The following ZNF808 variants were observed in gnomAD, a reference collection of about 807,000 sequenced individuals.
ZNF808 encodes the protein zinc finger protein 808.
A neutral mutation model predicts 8.7 loss-of-function variants in ZNF808; 5 were observed. The observed-to-expected ratio is 0.58, with a 90% CI of 0.30 to 1.21. ZNF808 has a LOEUF of 1.21. Among genes scored for constraint, ZNF808 ranks in the 50% most tolerant of loss-of-function variants. The probability of loss-of-function intolerance (pLI) is 0.07; values close to 1 mark genes in which losing one functional copy is unlikely to be tolerated. For missense variants in ZNF808, 1,103 were observed against 1,098.4 expected (o/e 1.00, Z -0.06); for synonymous variants, 380 against 366.0 (o/e 1.04, Z -0.44).
At chr19:52,540,458 T>G (rs970196587) in intron 2 of ZNF808, among the ~76,000 whole-genome samples, 2 of 152,242 alleles carry the variant, frequency 1.3e-5, no homozygotes, top group African/African-American at 4.8e-5. Flanking sequence ...CTAGTCTTTA[T>G]CATATATCGA....
chr19:52,548,015 A>G (rs1600009514), intron 4 of ZNF808, among the ~76,000 whole-genome samples: 2 of 152,284 alleles, frequency 1.3e-5, no homozygotes, highest in East Asian at 3.9e-4. Context: ...CTGGGATTAC[A>G]GGCGTGAGCC....
rs187762022 is a variant in ZNF808 at position 52,549,858 on chromosome 19, G to A, written c.190+2220G>A. On this transcript the variant is annotated intron_variant, in intron 4 of 4. Transcript: ENST00000359798. ...CTCTCACTGAGTAAGTCAAGACCTT[G>A]TTCATCCACTGGACAAAATTATAGG... Among the ~76,000 whole-genome samples the A allele has an allele frequency of 3.6e-4, 55 of 152,134 alleles. No individual in the cohort carries two copies. In the East Asian group the frequency reaches 8.7e-3, roughly 24 times the overall value.
chr19:52,537,928 A>G (rs1368775609), intron 2 of ZNF808, among the ~76,000 whole-genome samples: 6 of 152,078 alleles, frequency 3.9e-5, no homozygotes, highest in African/African-American at 1.2e-4. Flanking sequence ...GTGACATTCA[A>G]TTGTGGGTCA....
chr19:52,549,997 T>C (rs326447), intron 4 of ZNF808, among the ~76,000 whole-genome samples: 58,872 of 151,912 alleles, frequency 0.39, 13,605 homozygotes, highest in African/African-American at 0.63. Context: ...CAGCTCAGCC[T>C]TTGTATCCCC....
At chr19:52,545,074 C>T (rs2059708370) in intron 3 of ZNF808, among the ~76,000 whole-genome samples, 1 of 152,196 alleles carries the variant, frequency 6.6e-6, no homozygotes, top group Admixed American at 6.5e-5. Flanking sequence ...TGAGCCACTG[C>T]ACTTGGCTAA....
chr19:52,541,191 CT>C (rs1244142652), intron 2 of ZNF808, among the ~76,000 whole-genome samples: 1 of 150,780 alleles, frequency 6.6e-6, no homozygotes, highest in East Asian at 1.9e-4. Context: ...ACTTTGTGAT[CT>C]GCCCGCCTCA....
At chr19:52,531,696 C>T (rs1473982437) in intron 1 of ZNF808, among the ~76,000 whole-genome samples, 3 of 152,064 alleles carry the variant, frequency 2.0e-5, no homozygotes, top group Non-Finnish European at 2.9e-5. Flanking sequence ...TTGTTTTATA[C>T]AATGTTTTCT....
intron 1 of ZNF808, among the ~76,000 whole-genome samples, chr19:52,529,545 C>A (rs1408437100): frequency 6.6e-6 from 1 of 152,090 alleles, no homozygotes; most frequent in Non-Finnish European, 1.5e-5. Flanking sequence ...AAAACATGTA[C>A]ATTCTATAAA....
Position 52,555,904 on chromosome 19 carries a change from C to T in ZNF808, c.*276C>T. 1 of 693,604 alleles carries T rather than the reference C, an allele frequency of 1.4e-6. No homozygotes were observed. The highest frequency in any genetic ancestry group is 1.4e-5 in the South Asian group (1 of 71,822). The allele number at this position is 693,604 out of a possible 1,614,324, so 43.0% of individuals were successfully genotyped here. A position where few individuals can be genotyped will look rare whatever the true frequency, so the allele number is the denominator to read the frequency against. ...TGTGATGATTGTGGCAAAGCCTTTA[C>T]TTCACATTCACACCTCGTTGGACAT... On this transcript the variant is annotated 3_prime_UTR_variant, in exon 5 of 5. Coordinates refer to ENST00000359798, the MANE Select transcript of ZNF808 (RefSeq NM_001039886.4).
intron 1 of ZNF808, among the ~76,000 whole-genome samples, chr19:52,532,010 T>G (rs922102034): frequency 1.3e-5 from 2 of 152,214 alleles, no homozygotes; most frequent in African/African-American, 2.4e-5. Context: ...GAGAATTGTT[T>G]AGAATTCTGC....
downstream of ZNF808, among the ~76,000 whole-genome samples, chr19:52,558,735 A>G (rs1427196755): frequency 2.0e-5 from 3 of 152,198 alleles, no homozygotes; most frequent in Admixed American, 6.5e-5. Flanking sequence ...TACTGTGTCT[A>G]TGTAGAAAGA....
intron 2 of ZNF808, among the ~76,000 whole-genome samples, chr19:52,535,581 T>C (rs2059600572): frequency 6.6e-6 from 1 of 152,076 alleles, no homozygotes; most frequent in Non-Finnish European, 1.5e-5. Flanking sequence ...CCGTCCCGCA[T>C]CCCAGGCGGA....
chr19:52,552,225 T>C (rs553390767), intron 4 of ZNF808, among the ~76,000 whole-genome samples: 1 of 151,884 alleles, frequency 6.6e-6, no homozygotes, highest in East Asian at 1.9e-4. Flanking sequence ...CACCGTGTTA[T>C]CCAGGATGGT....
chr19:52,550,428 C>G (rs1024619018), intron 4 of ZNF808, among the ~76,000 whole-genome samples: 1 of 152,068 alleles, frequency 6.6e-6, no homozygotes, highest in Non-Finnish European at 1.5e-5. Context: ...TGGGGTTTCC[C>G]CATGTTGGCT....
chr19:52,541,741 T>G (rs1411100718), intron 2 of ZNF808, among the ~76,000 whole-genome samples: 1 of 151,710 alleles, frequency 6.6e-6, no homozygotes, highest in Non-Finnish European at 1.5e-5. Flanking sequence ...CAAATCACCT[T>G]GAACCTTATC....
Position 52,555,316 on chromosome 19 carries a change from C to A in ZNF808, c.2400C>A (p.Phe800Leu). Residue 800 changes from phenylalanine (F) to leucine (L), a missense_variant, in exon 5 of 5, where the codon TTC becomes TTA. Transcript: ENST00000359798. ...AATGTACGGTTTGTGACAAGGCTTTCGTGCGTAATTCATACCTGGCAAGAC... is the reference window on the plus strand; with the variant it reads ...AATGTACGGTTTGTGACAAGGCTTTAGTGCGTAATTCATACCTGGCAAGAC... The part of the protein sequence containing the change: ...SYKCTVCDKA[F>L]VRNSYLARHI... The A allele has an allele frequency of 6.2e-7, 1 of 1,614,164 alleles. No individual in the cohort carries two copies.
chr19:52,528,408 C>G (rs555515709), intron 1 of ZNF808, among the ~76,000 whole-genome samples: 47 of 152,064 alleles, frequency 3.1e-4, no homozygotes, highest in Non-Finnish European at 6.0e-4. Context: ...CAGTAGAAAA[C>G]CTGAGACAGA....
chr19:52,550,315 C>T (rs1483343566), intron 4 of ZNF808, among the ~76,000 whole-genome samples: 1 of 151,924 alleles, frequency 6.6e-6, no homozygotes, highest in Non-Finnish European at 1.5e-5. Context: ...ACCACAACCT[C>T]CACCTCCTGG....
At chr19:52,531,896 G>A (rs1167314855) in intron 1 of ZNF808, among the ~76,000 whole-genome samples, 4 of 152,156 alleles carry the variant, frequency 2.6e-5, no homozygotes, top group Non-Finnish European at 5.9e-5. Context: ...TTAATGCTGT[G>A]TATTTACTTG....
Sources: gnomAD v4.1 joint callset for allele counts (sites outside exome capture counted in the v4.1 genomes callset) on GRCh38, gnomAD v4.1.1 for gene constraint, MANE v1.5 for transcripts, NCBI Gene and HGNC (gene_info 2026-07-23, HGNC 2026-07-21) for gene names.